F13A1: variants seen among roughly 807,000 people sequenced by gnomAD.
F13A1 encodes the protein coagulation factor XIII A chain.
A neutral mutation model predicts 80.1 loss-of-function variants in F13A1; 47 were observed. The ratio of observed to expected loss-of-function variants is 0.59; its 90% CI spans 0.46 to 0.75. The LOEUF (loss-of-function observed/expected upper bound fraction) is 0.75. F13A1 is among the 30% of genes least tolerant of loss of function. The probability of loss-of-function intolerance (pLI) is 0.00; values close to 1 mark genes in which losing one functional copy is unlikely to be tolerated. For synonymous variants in F13A1, 349 were observed against 344.9 expected (o/e 1.01, Z -0.13); for missense variants, 817 against 930.4 (o/e 0.88, Z 1.59).
chr6:6,262,939 A>C (rs1350587759), intron 4 of F13A1, among the ~76,000 whole-genome samples: 6 of 152,088 alleles, frequency 3.9e-5, no homozygotes, highest in Admixed American at 3.9e-4. Flanking sequence ...AACTTTAAAA[A>C]ACCCCAAAGC....
chr6:6,221,081 C>A (rs557671375), intron 8 of F13A1, among the ~76,000 whole-genome samples: 1 of 152,316 alleles, frequency 6.6e-6, no homozygotes, highest in African/African-American at 2.4e-5. Flanking sequence ...ATTATTTGTG[C>A]ATGAGACTCA....
In F13A1 at chr6:6,243,412, G is replaced by A. The variant is rs113455620; in HGVS notation, c.798+4900C>T. ...ATCATATCATATTTGGTACCTGATC[G>A]TCTTTGGAAGCTCATTCTCCAGGGC... On this transcript the variant is annotated intron_variant, in intron 6 of 14. Transcript: ENST00000264870. This position sits in a 1 kb window ranked among gnomAD's most constrained non-coding sequence, Gnocchi z 4.2. 0.05 allele frequency among the ~76,000 whole-genome samples: 7,593 copies of A among 152,050 alleles called. 610 individuals carry two copies. The highest frequency in any genetic ancestry group is 0.17 in the African/African-American group (7,046 of 41,446).
At chr6:6,284,223 C>T (rs901575141) in intron 3 of F13A1, among the ~76,000 whole-genome samples, 2 of 152,090 alleles carry the variant, frequency 1.3e-5, no homozygotes, top group Non-Finnish European at 2.9e-5. Context: ...TAAAATTTGG[C>T]TAACACTCCA....
intron 10 of F13A1, among the ~76,000 whole-genome samples, chr6:6,194,982 G>A (rs1761264659): frequency 6.6e-6 from 1 of 152,176 alleles, no homozygotes; most frequent in East Asian, 1.9e-4. Flanking sequence ...AGCATCCAAT[G>A]GTAGGCAAAG....
intron 8 of F13A1, among the ~76,000 whole-genome samples, chr6:6,217,649 G>C (rs933387920): frequency 2.6e-5 from 4 of 151,966 alleles, no homozygotes; most frequent in Non-Finnish European, 5.9e-5. Context: ...TGCACGTTGT[G>C]CACATGTACC....
rs1222732258 is a variant in F13A1 at position 6,243,139 on chromosome 6, AATCACCACCACCACCACATTACGCC to A, written c.798+5148_798+5172del. 6.6e-6 allele frequency among the ~76,000 whole-genome samples: 1 copy of A among 151,556 alleles called. No homozygotes were observed. On this transcript the variant is annotated intron_variant, in intron 6 of 14. Transcript: ENST00000264870. This position sits in a 1 kb window ranked among gnomAD's most constrained non-coding sequence, Gnocchi z 4.2. ...CACTACCACTATCACCACCATCATA[AATCACCACCACCACCACATTACGCC>A]ATCACCACCACTACCACCATCACTC...
chr6:6,264,180 A>G (rs1757813935), intron 4 of F13A1, among the ~76,000 whole-genome samples: 1 of 152,214 alleles, frequency 6.6e-6, no homozygotes, highest in African/African-American at 2.4e-5. Flanking sequence ...TTAATATGTC[A>G]AGCAACTTAA....
At chr6:6,214,386 C>G (rs545451108) in intron 8 of F13A1, among the ~76,000 whole-genome samples, 2,617 of 148,508 alleles carry the variant, frequency 0.018, 87 homozygotes, top group African/African-American at 0.062. Flanking sequence ...CACTCAAAAC[C>G]GCTCAACTAC....
chr6:6,222,306 TC>T, intron 7 of F13A1, 135 bp from the exon 8 acceptor site: 1 of 1,227,490 alleles, frequency 8.1e-7, no homozygotes, highest in Non-Finnish European at 1.2e-6. Context: ...TCTCAAATGT[TC>T]CATGCTGGAA....
At chr6:6,186,565 C>G (rs901297541) in intron 10 of F13A1, among the ~76,000 whole-genome samples, 3 of 152,178 alleles carry the variant, frequency 2.0e-5, no homozygotes, top group African/African-American at 7.2e-5. Flanking sequence ...GGACTCTGTT[C>G]TGTTCCATTG....
At chr6:6,283,169 A>G (rs1023331814) in intron 3 of F13A1, among the ~76,000 whole-genome samples, 8 of 152,232 alleles carry the variant, frequency 5.3e-5, no homozygotes, top group Admixed American at 6.5e-5. Context: ...GTGAGGAAAC[A>G]TCAGTCAAAC....
chr6:6,282,048 T>C (rs1583109295), intron 3 of F13A1, among the ~76,000 whole-genome samples: 1 of 144,864 alleles, frequency 6.9e-6, no homozygotes, highest in Admixed American at 6.9e-5. Context: ...GAATCAGGGG[T>C]CACCATAGGT....
intron 2 of F13A1, among the ~76,000 whole-genome samples, chr6:6,315,257 C>T (rs1485004748): frequency 6.6e-6 from 1 of 152,188 alleles, no homozygotes; most frequent in Non-Finnish European, 1.5e-5. Flanking sequence ...ACTAAGCCTG[C>T]AGAACAGTCT....
chr6:6,318,799 A>G lies in F13A1; in HGVS notation c.-18-117T>C, dbSNP rs1758727792. 1.2e-5 allele frequency: 13 copies of G among 1,121,324 alleles called. No homozygotes were observed. The South Asian group carries it at 1.8e-4, about 16-fold the overall frequency. 69.5% of individuals were successfully genotyped at this position (1,121,324 alleles called of 1,614,324 possible). A position where few individuals can be genotyped will look rare whatever the true frequency, so the allele number is the denominator to read the frequency against. The stretch of plus-strand genomic sequence containing the variant: ...ATCTGTGTGTGATAGCACTTGAGCA[A>G]CACATTTTGCCGTTTGCATAAATAA... On this transcript the variant is annotated intron_variant, in intron 1 of 14. Coordinates refer to ENST00000264870, the MANE Select transcript of F13A1 (RefSeq NM_000129.4).
intron 13 of F13A1, among the ~76,000 whole-genome samples, chr6:6,153,272 G>A (rs772683813): frequency 5.3e-5 from 8 of 152,138 alleles, no homozygotes; most frequent in African/African-American, 1.9e-4. Flanking sequence ...AAGAATGGAC[G>A]TAAAGAGGAA....
Position 6,243,003 on chromosome 6 carries a change from G to C in F13A1, c.798+5309C>G, listed in dbSNP as rs1037233121. Among the ~76,000 whole-genome samples the C allele has an allele frequency of 2.6e-5, 4 of 152,180 alleles. No homozygotes were observed. Among genetic ancestry groups the C allele is most frequent in the Non-Finnish European group, 5.9e-5 (4 of 68,032 alleles). ...TTAGACTGTAAGCTTTGTGAAGGCA[G>C]AAACTTAATTTTGTTCACAATTGTA... is the stretch of plus-strand genomic sequence containing the variant. On this transcript the variant is annotated intron_variant, in intron 6 of 14. Transcript: ENST00000264870. The surrounding 1 kb of genome is among the most constrained non-coding windows in gnomAD (Gnocchi z 4.2).
intron 8 of F13A1, among the ~76,000 whole-genome samples, chr6:6,199,816 G>A (rs377758625): frequency 1.4e-4 from 21 of 152,240 alleles, no homozygotes; most frequent in East Asian, 9.7e-4. Context: ...AGTCCTCCCC[G>A]GCTGTCCCCC....
intron 6 of F13A1, among the ~76,000 whole-genome samples, chr6:6,242,009 T>C (rs777884481): frequency 6.6e-6 from 1 of 152,168 alleles, no homozygotes. Flanking sequence ...CTTGGCAAGA[T>C]ATAAAAGTAG....
chr6:6,270,707 T>A (rs575360933), intron 3 of F13A1, among the ~76,000 whole-genome samples: 7 of 152,218 alleles, frequency 4.6e-5, no homozygotes, highest in African/African-American at 1.4e-4. Flanking sequence ...TCATGCTTCC[T>A]CTGTGGAGGA....
Sources: allele counts gnomAD v4.1 joint callset (sites outside exome capture counted in the v4.1 genomes callset), GRCh38; gene constraint gnomAD v4.1.1; non-coding constraint Gnocchi (gnomAD v3.1); transcripts MANE v1.5; gene names NCBI Gene and HGNC (gene_info 2026-07-23, HGNC 2026-07-21).